TG: variants seen among roughly 807,000 people sequenced by gnomAD.
TG encodes thyroglobulin.
In TG, 270 loss-of-function variants were observed where a neutral mutation model predicts 324.7. The observed-to-expected ratio is 0.83, with a 90% confidence interval of 0.75 to 0.92. TG has a LOEUF of 0.92. TG is among the 40% of genes least tolerant of loss of function. TG has a pLI of 0.00. For synonymous variants in TG, 1,401 were observed against 1,327.0 expected (o/e 1.06, Z -1.21); for missense variants, 3,591 against 3,456.4 (o/e 1.04, Z -0.98).
At chr8:132,981,075 T>C (rs1445992891) in intron 34 of TG, among the ~76,000 whole-genome samples, 1 of 152,058 alleles carries the variant, frequency 6.6e-6, no homozygotes, top group African/African-American at 2.4e-5. Context: ...AAGCTGAGGA[T>C]TCTCAGGGCT....
At chr8:133,114,901 A>G (rs997826566) in intron 44 of TG, among the ~76,000 whole-genome samples, 2 of 152,222 alleles carry the variant, frequency 1.3e-5, no homozygotes. Context: ...CTCAGAATAA[A>G]ACTGTACCAC....
At chr8:132,953,964 T>C (rs1563998117) in intron 27 of TG, among the ~76,000 whole-genome samples, 1 of 150,412 alleles carries the variant, frequency 6.6e-6, no homozygotes, top group African/African-American at 2.5e-5. Flanking sequence ...AGATTAAATG[T>C]CCCCTAATGC....
chr8:133,006,787 A>C (rs1834051655), intron 35 of TG, among the ~76,000 whole-genome samples: 1 of 152,260 alleles, frequency 6.6e-6, no homozygotes, highest in Non-Finnish European at 1.5e-5. Flanking sequence ...CTTGAACAGG[A>C]AAAAATAGGC....
At chr8:133,064,452 C>T (rs1171946809) in intron 41 of TG, among the ~76,000 whole-genome samples, 1 of 152,234 alleles carries the variant, frequency 6.6e-6, no homozygotes, top group Non-Finnish European at 1.5e-5. Flanking sequence ...AGGGCAGATA[C>T]TCTTTCACTT....
chr8:132,989,826 A>C (rs1832081070), intron 35 of TG, among the ~76,000 whole-genome samples: 1 of 152,152 alleles, frequency 6.6e-6, no homozygotes, highest in Non-Finnish European at 1.5e-5. Flanking sequence ...CTAAGCGAGG[A>C]AGCAATGCGA....
In TG at chr8:132,886,696, G is replaced by C. The variant is rs756092932; in HGVS notation, c.1324G>C (p.Glu442Gln). ...QFSVSENLLK[E>Q]AIRAIFPSRG... ...TTCTGTCTCAGAAAATCTTCTCAAAGAAGCCATCCGAGCAATTTTTCCCTC... is the reference window on the plus strand; with the variant it reads ...TTCTGTCTCAGAAAATCTTCTCAAACAAGCCATCCGAGCAATTTTTCCCTC... The change falls in exon 9 of 48, where the codon GAA becomes CAA. Residue 442 changes from glutamate to glutamine, a missense_variant. By Grantham distance (29) the Glu-to-Gln change is conservative. Coordinates refer to ENST00000220616, the MANE Select transcript of TG (RefSeq NM_003235.5). 35 of 1,614,068 alleles carry C rather than the reference G, an allele frequency of 2.2e-5. 1 individual carries two copies. The South Asian group carries it at 3.7e-4, about 17-fold the overall frequency.
chr8:132,972,159 C>G (rs1829615688), intron 33 of TG: 1 of 480,082 alleles, frequency 2.1e-6, no homozygotes, highest in African/African-American at 2.0e-5. Flanking sequence ...GGCCAAGCAG[C>G]TTGGCGAACT....
At chr8:133,069,073 C>G (rs1411953500) in intron 41 of TG, among the ~76,000 whole-genome samples, 1 of 152,186 alleles carries the variant, frequency 6.6e-6, no homozygotes, top group Non-Finnish European at 1.5e-5. Flanking sequence ...AGGAAACAGG[C>G]CTTTTCTTTT....
intron 46 of TG, among the ~76,000 whole-genome samples, chr8:133,132,983 G>T (rs531003596): frequency 8.5e-5 from 13 of 152,344 alleles, no homozygotes; most frequent in African/African-American, 1.2e-4. Flanking sequence ...TACATGGCAG[G>T]GCATGCCGGA....
chr8:133,030,471 T>C (rs943430532), intron 41 of TG, among the ~76,000 whole-genome samples: 3 of 152,194 alleles, frequency 2.0e-5, no homozygotes, highest in African/African-American at 7.2e-5. Flanking sequence ...TACAATGATG[T>C]TGATAATGAC....
intron 16 of TG, among the ~76,000 whole-genome samples, chr8:132,904,345 C>T (rs1370481338): frequency 1.3e-5 from 2 of 152,344 alleles, no homozygotes; most frequent in Non-Finnish European, 2.9e-5. Flanking sequence ...CACTTAGCTC[C>T]CTTGAGCCTC....
chr8:132,997,244 A>T (rs1306672343), intron 35 of TG, among the ~76,000 whole-genome samples: 1 of 152,164 alleles, frequency 6.6e-6, no homozygotes, highest in African/African-American at 2.4e-5. Context: ...TAAAGAATGT[A>T]AGAGGGGAAC....
intron 25 of TG, among the ~76,000 whole-genome samples, chr8:132,936,119 T>C (rs1035008003): frequency 8.5e-5 from 13 of 152,356 alleles, no homozygotes; most frequent in Admixed American, 1.3e-4. Flanking sequence ...TTTGATCCCA[T>C]TGCAATCTAG....
chr8:133,042,678 C>CCTTTTTT (rs1554706932), intron 41 of TG, among the ~76,000 whole-genome samples: 2,090 of 56,872 alleles, frequency 0.037, 245 homozygotes, highest in East Asian at 0.13. Context: ...CATTCTGTGT[C>CCTTTTTT]TTTTTTTTTT....
intron 41 of TG, among the ~76,000 whole-genome samples, chr8:133,077,027 G>A (rs542542780): frequency 4.6e-5 from 7 of 152,280 alleles, no homozygotes; most frequent in East Asian, 1.9e-4. Context: ...GGGTTGATGG[G>A]ACCGAGGGGC....
At chr8:133,050,954 T>C in intron 41 of TG, 1 of 1,226,384 alleles carries the variant, frequency 8.2e-7, no homozygotes, top group Non-Finnish European at 1.2e-6. Flanking sequence ...GGCAAGGTGC[T>C]TTTTATTCAC....
chr8:133,008,984 G>A (rs1269430634), intron 35 of TG, among the ~76,000 whole-genome samples: 1 of 152,196 alleles, frequency 6.6e-6, no homozygotes. Flanking sequence ...CTGCACAAAA[G>A]CAGTGACTCA....
At chr8:132,913,422 G>A (rs576686974) in intron 20 of TG, among the ~76,000 whole-genome samples, 157 bp downstream of exon 20, 1 of 152,312 alleles carries the variant, frequency 6.6e-6, no homozygotes, top group East Asian at 1.9e-4. Context: ...CTATGCATGG[G>A]TGTATAGTCT....
Position 132,888,093 on chromosome 8 carries a change from G to A in TG, c.2286G>A (p.Gln762=). The A allele has an allele frequency of 6.2e-7, 1 of 1,614,140 alleles. No homozygotes were observed. Among genetic ancestry groups the A allele is most frequent in the South Asian group, 1.1e-5 (1 of 91,074 alleles). ...LPTLSDTYIP[Q]CSTDGQWRQV... is the part of the protein sequence containing the mutation. ...CCCTTTCCGACACCTACATCCCACA[G>A]TGCAGCACCGATGGGCAGTGGAGAC... The change falls in exon 10 of 48, where the codon CAG becomes CAA. Residue 762 remains glutamine (Q), a synonymous_variant. Coordinates refer to ENST00000220616, the MANE Select transcript of TG (RefSeq NM_003235.5).
Sources: allele counts gnomAD v4.1 joint callset (sites outside exome capture counted in the v4.1 genomes callset), GRCh38; gene constraint gnomAD v4.1.1; transcripts MANE v1.5; gene names NCBI Gene and HGNC (gene_info 2026-07-23, HGNC 2026-07-21).